The following CNBD2 variants were observed in gnomAD, a reference collection of about 807,000 sequenced individuals.
The protein encoded by CNBD2 is cyclic nucleotide binding domain containing 2.
A neutral mutation model predicts 63.7 loss-of-function variants in CNBD2; 64 were observed. That is an observed-to-expected ratio of 1.00 (90% CI 0.82 to 1.24). CNBD2 has a LOEUF of 1.24. Ranked by LOEUF, CNBD2 falls within the 50% of genes most tolerant of loss-of-function variation. The probability of loss-of-function intolerance (pLI) is 0.00; values close to 1 mark genes in which losing one functional copy is unlikely to be tolerated. For synonymous variants in CNBD2, 229 were observed against 255.4 expected (o/e 0.90, Z 0.99); for missense variants, 691 against 713.5 (o/e 0.97, Z 0.36).
intron 9 of CNBD2, among the ~76,000 whole-genome samples, chr20:36,009,112 G>A (rs146021564): frequency 5.6e-4 from 85 of 152,082 alleles, no homozygotes; most frequent in Middle Eastern, 6.3e-3. Flanking sequence ...CAGGAGGGTC[G>A]CTTGAGCCTA....
chr20:36,023,698 A>G lies in CNBD2; in HGVS notation c.1366A>G (p.Ile456Val), dbSNP rs1445508730. Residue 456 changes from isoleucine to valine, a missense_variant, in exon 11 of 12, where the codon ATA becomes GTA. Coordinates refer to ENST00000373973, the MANE Select transcript of CNBD2 (RefSeq NM_001365709.1). ...TGAGTTGATACGGATAAGGAAGGAA[A>G]TATTTTATGAACTGATTGACAATGA... The part of the protein sequence containing the change: ...GNELIRIRKE[I>V]FYELIDNDDE... The G allele has an allele frequency of 6.2e-7, 1 of 1,613,884 alleles. No individual in the cohort carries two copies.
At chr20:35,993,155 GA>G (rs11477479) in intron 7 of CNBD2, among the ~76,000 whole-genome samples, 25,425 of 147,130 alleles carry the variant, frequency 0.17, 2,729 homozygotes, top group Non-Finnish European at 0.25. Flanking sequence ...TCAAAAAAAA[GA>G]AAAAAAAAAG....
In CNBD2 at chr20:36,020,806, G is replaced by A. The variant is rs567585890; in HGVS notation, c.1270-2796G>A. 3.3e-5 allele frequency among the ~76,000 whole-genome samples: 5 copies of A among 152,252 alleles called. No individual in the cohort carries two copies. The East Asian group carries it at 7.7e-4, about 23-fold the overall frequency. On this transcript the variant is annotated intron_variant, in intron 10 of 11. Transcript: ENST00000373973. ...ACTGTACTCAACATGAGAGACACAC[G>A]AGGTGCTTCATGTCCCCCAGAGAAC...
chr20:35,972,827 A>C (rs2056441726), intron 2 of CNBD2, 61 bp downstream of exon 2: 2 of 1,537,456 alleles, frequency 1.3e-6, no homozygotes, highest in African/African-American at 1.4e-5. Flanking sequence ...ATTGCATCCC[A>C]CTTCCTGGCC....
intron 10 of CNBD2, among the ~76,000 whole-genome samples, chr20:36,015,424 C>T (rs1322419110): frequency 1.3e-5 from 2 of 151,562 alleles, no homozygotes; most frequent in Non-Finnish European, 2.9e-5. Flanking sequence ...GGGGTCATAC[C>T]CCAAAAAAAA....
intron 10 of CNBD2, among the ~76,000 whole-genome samples, chr20:36,016,450 G>T (rs371413642): frequency 6.6e-6 from 1 of 152,136 alleles, no homozygotes; most frequent in Admixed American, 6.5e-5. Flanking sequence ...GGGACTCTCT[G>T]TACTATCTTC....
At chr20:35,987,631 C>A in intron 7 of CNBD2, 98 bp downstream of exon 7, 3 of 1,358,290 alleles carry the variant, frequency 2.2e-6, no homozygotes, top group Non-Finnish European at 3.0e-6. Context: ...CCCTTTTCTG[C>A]AACCTGTGCA....
chr20:36,000,683 C>G (rs569752032), intron 8 of CNBD2, among the ~76,000 whole-genome samples: 1 of 151,018 alleles, frequency 6.6e-6, no homozygotes, highest in Non-Finnish European at 1.5e-5. Flanking sequence ...CTCAGCCTCA[C>G]GAGTAGCTGG....
intron 8 of CNBD2, among the ~76,000 whole-genome samples, chr20:36,002,286 A>G (rs2056924252): frequency 6.6e-6 from 1 of 152,218 alleles, no homozygotes; most frequent in Non-Finnish European, 1.5e-5. Flanking sequence ...AATCGCAGGC[A>G]CTTGGCAGGC....
chr20:35,975,494 G>C (rs1410217040), intron 2 of CNBD2, among the ~76,000 whole-genome samples: 213 of 140,832 alleles, frequency 1.5e-3, no homozygotes, highest in Admixed American at 4.2e-3. Context: ...TAGAGACGGG[G>C]TTTCACCTTG....
upstream of CNBD2, chr20:35,954,508 G>A (rs1293254763): frequency 6.5e-7 from 1 of 1,534,568 alleles, no homozygotes; most frequent in Middle Eastern, 1.7e-4. Flanking sequence ...TCTGCGTCCA[G>A]GTCGGCGCGC....
intron 10 of CNBD2, among the ~76,000 whole-genome samples, chr20:36,013,937 T>C (rs2057098272): frequency 6.6e-6 from 1 of 151,990 alleles, no homozygotes; most frequent in African/African-American, 2.4e-5. Context: ...ATCCCAGCAC[T>C]TTGGGAGGCC....
upstream of CNBD2, chr20:35,954,688 G>A (rs2056232693): frequency 1.4e-5 from 16 of 1,152,110 alleles, no homozygotes; most frequent in Non-Finnish European, 1.8e-5. Context: ...GTCGGAGGAG[G>A]AGCCTGAATG....
At chr20:36,015,836 C>G (rs1240269602) in intron 10 of CNBD2, among the ~76,000 whole-genome samples, 1 of 152,144 alleles carries the variant, frequency 6.6e-6, no homozygotes, top group Non-Finnish European at 1.5e-5. Context: ...GAATAAATTT[C>G]AAGCAATTTA....
intron 7 of CNBD2, among the ~76,000 whole-genome samples, chr20:35,987,835 G>C (rs962191211): frequency 1.3e-5 from 2 of 152,022 alleles, no homozygotes; most frequent in Non-Finnish European, 2.9e-5. Flanking sequence ...TTGAATCTTA[G>C]TGATGCCAGA....
At chr20:35,989,146 G>T (rs2056708338) in intron 7 of CNBD2, among the ~76,000 whole-genome samples, 1 of 152,198 alleles carries the variant, frequency 6.6e-6, no homozygotes, top group African/African-American at 2.4e-5. Flanking sequence ...GTAAGGTGAA[G>T]TGGTTATCCA....
At chr20:35,963,862 A>G (rs1341512676), upstream of CNBD2, among the ~76,000 whole-genome samples, 3 of 152,170 alleles carry the variant, frequency 2.0e-5, no homozygotes, top group African/African-American at 4.8e-5. Context: ...AAGAGGCCCT[A>G]TGGATCCATA....
upstream of CNBD2, among the ~76,000 whole-genome samples, chr20:35,967,896 A>G (rs574078108): frequency 2.0e-5 from 3 of 152,302 alleles, no homozygotes; most frequent in East Asian, 3.9e-4. Flanking sequence ...TGAGCCCCCA[A>G]ATTGAGACTT....
chr20:36,008,111 G>A (rs1364353114), intron 8 of CNBD2, among the ~76,000 whole-genome samples, 186 bp from the exon 9 acceptor site: 3 of 152,010 alleles, frequency 2.0e-5, no homozygotes, highest in Non-Finnish European at 2.9e-5. Context: ...AGGCTCTAGC[G>A]CAGGGCCTGC....
Sources: allele counts gnomAD v4.1 joint callset (sites outside exome capture counted in the v4.1 genomes callset), GRCh38; gene constraint gnomAD v4.1.1; transcripts MANE v1.5; gene names NCBI Gene and HGNC (gene_info 2026-07-23, HGNC 2026-07-21).